Variants in DST observed in about 807,000 individuals in gnomAD.
DST encodes bullous pemphigoid antigen.
DST carries 253 observed loss-of-function variants against 875.2 expected under a neutral mutation model. The observed-to-expected ratio is 0.29, with a 90% confidence interval of 0.26 to 0.32. The LOEUF (loss-of-function observed/expected upper bound fraction) is 0.32. Among genes scored for constraint, DST ranks in the 10% least tolerant of loss-of-function variants. DST has a pLI of 1.00. For missense variants in DST, 8,287 were observed against 9,111.6 expected, an observed-to-expected ratio of 0.91 and a Z score of 3.68; for synonymous variants, 3,124 against 3,197.1, an observed-to-expected ratio of 0.98 and a Z score of 0.77.
At position 56,607,688 on chromosome 6, in the gene DST, T is replaced by G; in HGVS notation, c.6940A>C (p.Ser2314Arg). The G allele has an allele frequency of 6.2e-7, 1 of 1,613,526 alleles. No individual in the cohort carries two copies. The highest frequency in any genetic ancestry group is 1.1e-5 in the South Asian group (1 of 91,084). ...AGTTTTCCTGACTGAGAAAATTCACTATTGATAACAGTATTTCTCATTTCA... is the reference window on the plus strand; with the variant it reads ...AGTTTTCCTGACTGAGAAAATTCACGATTGATAACAGTATTTCTCATTTCA... Reference protein sequence around the residue: ...FNEMRNTVINSEFSQSGKLAS... With the variant: ...FNEMRNTVINREFSQSGKLAS... The change falls in exon 40 of 104, where the codon AGT (serine) becomes CGT (arginine). Residue 2314 changes from serine (S) to arginine (R), a missense_variant. Physicochemically the swap from Ser to Arg is moderately radical, Grantham distance 110. Coordinates refer to ENST00000680361, the MANE Select transcript of DST (RefSeq NM_001374736.1).
Position 56,648,648 on chromosome 6 carries a change from G to A in DST, c.1476C>T (p.Asn492=). Residue 492 remains asparagine, a synonymous_variant, in exon 13 of 104, where the codon AAC becomes AAT. Transcript: ENST00000680361. ...GGTGTCTAATCCATTGGATGAGGTA[G>A]TTCACCATATTCTGGTATTCAATCC... ...VKWIEYQNMV[N]YLIQWIRHHV... 1 of 1,585,730 alleles carries A rather than the reference G, an allele frequency of 6.3e-7. No homozygotes were observed. The highest frequency in any genetic ancestry group is 8.6e-7 in the Non-Finnish European group (1 of 1,163,242).
rs149514730 is a variant in DST at position 56,930,034 on chromosome 6, G to T, written c.216+23751C>A. Among the ~76,000 whole-genome samples, 51 of 152,362 alleles carry T rather than the reference G, an allele frequency of 3.3e-4. No individual in the cohort carries two copies. In the East Asian group the frequency reaches 9.2e-3, roughly 28 times the overall value. On this transcript the variant is annotated intron_variant, in intron 2 of 103. Coordinates refer to ENST00000680361, the MANE Select transcript of DST (RefSeq NM_001374736.1). ...AAGTTTCTGACAGAAGCTCCTCTCA[G>T]TTGGGTTAATAAGACCAAGCCCTTC... is the stretch of plus-strand genomic sequence containing the variant.
intron 15 of DST, among the ~76,000 whole-genome samples, chr6:56,643,787 C>T (rs1415849374): frequency 1.3e-5 from 2 of 152,128 alleles, no homozygotes; most frequent in Admixed American, 1.3e-4. Flanking sequence ...TGCTTCTTGG[C>T]CTTTTGGCTA....
intron 9 of DST, among the ~76,000 whole-genome samples, 179 bp from the exon 10 acceptor site, chr6:56,670,986 C>A (rs1228991886): frequency 1.3e-5 from 2 of 152,152 alleles, no homozygotes; most frequent in Admixed American, 6.5e-5. Flanking sequence ...AGAGAATGTG[C>A]CACATGTAGA....
At chr6:56,865,638 G>T (rs1285094565) in intron 3 of DST, among the ~76,000 whole-genome samples, 1 of 151,972 alleles carries the variant, frequency 6.6e-6, no homozygotes, top group Non-Finnish European at 1.5e-5. Context: ...TTACAGGCAT[G>T]AGCCACCATG....
chr6:56,876,774 A>G (rs1368561740), intron 3 of DST, among the ~76,000 whole-genome samples: 1 of 152,146 alleles, frequency 6.6e-6, no homozygotes, highest in Non-Finnish European at 1.5e-5. Flanking sequence ...ACTTCTAACT[A>G]TCCCCAAATG....
At chr6:56,858,304 G>T (rs772403781) in intron 3 of DST, among the ~76,000 whole-genome samples, 1 of 152,154 alleles carries the variant, frequency 6.6e-6, no homozygotes, top group South Asian at 2.1e-4. Context: ...TTTCTAGGTA[G>T]AGAAGCCCAG....
At chr6:56,928,232 G>A (rs1808245310) in intron 2 of DST, among the ~76,000 whole-genome samples, 1 of 152,162 alleles carries the variant, frequency 6.6e-6, no homozygotes, top group Non-Finnish European at 1.5e-5. Flanking sequence ...GAGCAAGAGA[G>A]ACAGGGAGTG....
chr6:56,710,421 G>A (rs570942414), intron 5 of DST, among the ~76,000 whole-genome samples: 4 of 152,244 alleles, frequency 2.6e-5, no homozygotes, highest in South Asian at 2.1e-4. Context: ...AAATGAGATC[G>A]CCTCACTGGC....
intron 5 of DST, among the ~76,000 whole-genome samples, chr6:56,718,374 A>T (rs1279312594): frequency 6.6e-6 from 1 of 152,240 alleles, no homozygotes; most frequent in Non-Finnish European, 1.5e-5. Flanking sequence ...AACACTTCAC[A>T]CCTTCTAGGA....
intron 4 of DST, among the ~76,000 whole-genome samples, chr6:56,794,851 G>C (rs2099736925): frequency 6.6e-6 from 1 of 152,176 alleles, no homozygotes; most frequent in Non-Finnish European, 1.5e-5. Context: ...TACTCTCTAA[G>C]GAATATGACC....
At chr6:56,516,417 T>C (rs1385308108) in intron 71 of DST, among the ~76,000 whole-genome samples, 2 of 152,156 alleles carry the variant, frequency 1.3e-5, no homozygotes, top group Non-Finnish European at 1.5e-5. Flanking sequence ...ATAAAAATAA[T>C]ATTCAATTAT....
chr6:56,886,097 T>A (rs1784567243), intron 3 of DST, among the ~76,000 whole-genome samples: 1 of 152,224 alleles, frequency 6.6e-6, no homozygotes, highest in Admixed American at 6.5e-5. Flanking sequence ...ATGCAGGCTG[T>A]GAGCAGACTC....
Position 56,635,572 on chromosome 6 carries a change from A to T in DST, c.3186+17T>A. 2 of 1,613,352 alleles carry T rather than the reference A, an allele frequency of 1.2e-6. No homozygotes were observed. Among genetic ancestry groups the T allele is most frequent in the Non-Finnish European group, 1.7e-6 (2 of 1,179,426 alleles). On this transcript the variant is annotated intron_variant, in intron 24 of 103. Transcript: ENST00000680361. ...ACTTATGCATACTTATAAAATGCAT[A>T]GGTTTTGTATTAGTACCATTGATTC...
chr6:56,528,116 T>G (rs2096833368), intron 67 of DST, among the ~76,000 whole-genome samples: 1 of 152,250 alleles, frequency 6.6e-6, no homozygotes, highest in South Asian at 2.1e-4. Flanking sequence ...TTAGCCTCTC[T>G]GCTCTTAGTT....
intron 60 of DST, among the ~76,000 whole-genome samples, chr6:56,554,044 T>C (rs900955412): frequency 6.6e-6 from 1 of 151,632 alleles, no homozygotes; most frequent in Admixed American, 6.6e-5. Flanking sequence ...ATCCATCTCT[T>C]ATTAAATATG....
chr6:56,848,815 A>C (rs926204358), intron 4 of DST, among the ~76,000 whole-genome samples: 4 of 152,062 alleles, frequency 2.6e-5, no homozygotes, highest in Non-Finnish European at 5.9e-5. Context: ...TGGGTGGATC[A>C]CTTGAGGTAC....
At chr6:56,768,355 A>C (rs1307891388) in intron 4 of DST, among the ~76,000 whole-genome samples, 1 of 152,220 alleles carries the variant, frequency 6.6e-6, no homozygotes, top group African/African-American at 2.4e-5. Flanking sequence ...AGTCGACCAA[A>C]GGAACATAAC....
At chr6:56,723,590 G>A (rs1381082138) in intron 5 of DST, among the ~76,000 whole-genome samples, 1 of 152,106 alleles carries the variant, frequency 6.6e-6, no homozygotes, top group East Asian at 1.9e-4. Context: ...AAGAAGGGCT[G>A]TGAGAAAACA....
Sources: gnomAD v4.1 joint callset for allele counts (sites outside exome capture counted in the v4.1 genomes callset) on GRCh38, gnomAD v4.1.1 for gene constraint, MANE v1.5 for transcripts, NCBI Gene and HGNC (gene_info 2026-07-23, HGNC 2026-07-21) for gene names.